The following FGGY variants were observed in gnomAD, a reference collection of about 807,000 sequenced individuals.
The protein encoded by FGGY is FGGY carbohydrate kinase domain containing.
A neutral mutation model predicts 71.3 loss-of-function variants in FGGY; 72 were observed. The ratio of observed to expected loss-of-function variants is 1.01; its 90% confidence interval spans 0.84 to 1.23. FGGY has a LOEUF of 1.23. Ranked by LOEUF, FGGY falls within the 50% of genes most tolerant of loss-of-function variation. The pLI is 0.00. For synonymous variants in FGGY, 251 were observed against 250.3 expected (o/e 1.00, Z -0.02); for missense variants, 668 against 682.3 (o/e 0.98, Z 0.23).
chr1:59,482,457 T>A (rs1021556455), intron 6 of FGGY, among the ~76,000 whole-genome samples: 1 of 152,098 alleles, frequency 6.6e-6, no homozygotes, highest in East Asian at 1.9e-4. Context: ...TGACCACTTA[T>A]CTAAGAGGCT....
intron 5 of FGGY, among the ~76,000 whole-genome samples, chr1:59,441,527 T>G (rs2069879744): frequency 6.6e-6 from 1 of 152,174 alleles, no homozygotes; most frequent in Non-Finnish European, 1.5e-5. Flanking sequence ...TTTGAACATT[T>G]CTTTATTATA....
intron 5 of FGGY, among the ~76,000 whole-genome samples, chr1:59,425,600 CTG>C (rs1420387584): frequency 1.3e-5 from 2 of 152,184 alleles, no homozygotes; most frequent in African/African-American, 4.8e-5. Context: ...TGCCTCATGC[CTG>C]TGTTCCTATA....
chr1:59,543,992 C>T (rs552811846), intron 7 of FGGY, among the ~76,000 whole-genome samples: 3 of 152,218 alleles, frequency 2.0e-5, no homozygotes, highest in Non-Finnish European at 2.9e-5. Context: ...AAGTACAAGG[C>T]TCTTGCCTTA....
intron 6 of FGGY, among the ~76,000 whole-genome samples, chr1:59,459,482 C>A (rs1557994737): frequency 6.6e-6 from 1 of 152,118 alleles, no homozygotes; most frequent in Non-Finnish European, 1.5e-5. Context: ...ACAGTTGAAA[C>A]TGTACAAGTT....
At chr1:59,713,248 G>A (rs2097812850) in intron 14 of FGGY, among the ~76,000 whole-genome samples, 1 of 152,114 alleles carries the variant, frequency 6.6e-6, no homozygotes, top group Admixed American at 6.5e-5. Flanking sequence ...CAGCATTTTT[G>A]TCAAAGCCAT....
intron 8 of FGGY, among the ~76,000 whole-genome samples, chr1:59,563,082 C>T (rs943646027): frequency 1.3e-5 from 2 of 152,060 alleles, no homozygotes; most frequent in Non-Finnish European, 2.9e-5. Context: ...TTTGAATACC[C>T]TTTATTTCTT....
chr1:59,434,377 T>C (rs1293521440), intron 5 of FGGY, among the ~76,000 whole-genome samples: 1 of 152,186 alleles, frequency 6.6e-6, no homozygotes, highest in Non-Finnish European at 1.5e-5. Context: ...GTGTCATTTG[T>C]ATTTGTGACA....
intron 5 of FGGY, among the ~76,000 whole-genome samples, chr1:59,381,628 CGTGTGTGTGTGTGTGTGTGTGTGT>C (rs113981398): frequency 7.0e-6 from 1 of 143,206 alleles, no homozygotes. Flanking sequence ...ATGTATAACT[CGTGTGTGTGTGTGTGTGTGTGTGT>C]GTGTGTGTGT....
chr1:59,681,142 AG>A (rs2097494109), intron 14 of FGGY: 2 of 152,240 alleles, frequency 1.3e-5, no homozygotes, highest in Admixed American at 1.3e-4. Context: ...GGTAGATAAA[AG>A]AAGCACTTTA....
rs529033761 is a variant in FGGY, at chr1:59,302,313, T to C, written c.-15+5163T>C. 6.1e-4 allele frequency among the ~76,000 whole-genome samples: 93 copies of C among 152,346 alleles called. 1 individual carries two copies. In the Middle Eastern group the frequency reaches 0.01, roughly 17 times the overall value. ...TGAATTAGGAAGTATTTCTTCCATT[T>C]TGATTTTTTCTGGAAGAGATTATGT... On this transcript the variant is annotated intron_variant, in intron 1 of 15. Transcript: ENST00000303721.
At chr1:59,600,356 C>T (rs1287436858) in intron 8 of FGGY, among the ~76,000 whole-genome samples, 4 of 152,154 alleles carry the variant, frequency 2.6e-5, no homozygotes, top group Non-Finnish European at 4.4e-5. Flanking sequence ...AGCTACAGAA[C>T]AAGACATGTC....
At position 59,615,302 on chromosome 1, in the gene FGGY, A is replaced by T. The variant is rs551559452; in HGVS notation, c.1011+7392A>T. Among the ~76,000 whole-genome samples the T allele has an allele frequency of 1.8e-4, 27 of 152,298 alleles. No individual in the cohort carries two copies. The South Asian group carries it at 5.6e-3, about 32-fold the overall frequency. On this transcript the variant is annotated intron_variant, in intron 9 of 15. Transcript: ENST00000303721. ...GCATGGTACTGGTATCATAACAGAG[A>T]TATAGACCAATGAAACAGAACAGAG...
At chr1:59,318,279 T>C (rs2045802147) in intron 1 of FGGY, among the ~76,000 whole-genome samples, 1 of 152,188 alleles carries the variant, frequency 6.6e-6, no homozygotes, top group South Asian at 2.1e-4. Context: ...GTGGTAAACA[T>C]GGTACCTTTT....
At chr1:59,664,172 A>G (rs989552594) in intron 12 of FGGY, among the ~76,000 whole-genome samples, 1 of 152,234 alleles carries the variant, frequency 6.6e-6, no homozygotes, top group African/African-American at 2.4e-5. Flanking sequence ...TCGGTTCTGT[A>G]CATTCCCAGT....
chr1:59,443,397 C>A (rs2070431862), intron 5 of FGGY, among the ~76,000 whole-genome samples: 1 of 152,194 alleles, frequency 6.6e-6, no homozygotes, highest in African/African-American at 2.4e-5. Context: ...TAAGGCAGAG[C>A]AGCCTTGGAT....
At chr1:59,369,342 C>T (rs188419583) in intron 4 of FGGY, among the ~76,000 whole-genome samples, 4,402 of 152,186 alleles carry the variant, frequency 0.029, 225 homozygotes, top group African/African-American at 0.098. Context: ...AACTGCAAGG[C>T]GGCAGCGAGG....
intron 4 of FGGY, 99 bp downstream of exon 4, chr1:59,346,497 T>A: frequency 7.2e-7 from 1 of 1,386,492 alleles, no homozygotes; most frequent in Non-Finnish European, 9.8e-7. Context: ...ATCGGTTATG[T>A]TTGATTTTTC....
intron 4 of FGGY, among the ~76,000 whole-genome samples, chr1:59,365,651 C>T (rs887611496): frequency 6.6e-6 from 1 of 152,174 alleles, no homozygotes; most frequent in African/African-American, 2.4e-5. Flanking sequence ...TTGTGTGGGA[C>T]CTGGGGATAG....
At chr1:59,329,764 A>G (rs987809486) in intron 2 of FGGY, among the ~76,000 whole-genome samples, 1 of 152,200 alleles carries the variant, frequency 6.6e-6, no homozygotes, top group Non-Finnish European at 1.5e-5. Context: ...ATCCAATCCA[A>G]TAGTTGCTGA....
Sources: gnomAD v4.1 joint callset for allele counts (sites outside exome capture counted in the v4.1 genomes callset) on GRCh38, gnomAD v4.1.1 for gene constraint, MANE v1.5 for transcripts, NCBI Gene and HGNC (gene_info 2026-07-23, HGNC 2026-07-21) for gene names.